HOOK1: variants seen among roughly 807,000 people sequenced by gnomAD.
HOOK1 encodes the protein protein Hook homolog 1.
In HOOK1, 60 loss-of-function variants were observed where a neutral mutation model predicts 112.8. The observed-to-expected ratio is 0.53, with a 90% CI of 0.43 to 0.66. The LOEUF (loss-of-function observed/expected upper bound fraction) is 0.66, where lower values mean the gene tolerates loss of function less well. Ranked by LOEUF, HOOK1 falls within the 30% of genes least tolerant of loss-of-function variation. The pLI is 0.00. For missense variants in HOOK1, 770 were observed against 856.0 expected (o/e 0.90, Z 1.25); for synonymous variants, 294 against 283.8 (o/e 1.04, Z -0.36).
At chr1:59,871,919 G>T (rs971205320) in intron 21 of HOOK1, among the ~76,000 whole-genome samples, 2 of 152,108 alleles carry the variant, frequency 1.3e-5, no homozygotes, top group African/African-American at 4.8e-5. Context: ...TGCTTAAAGG[G>T]CCCTGAAGGA....
At chr1:59,857,799 G>T in intron 12 of HOOK1, among the ~76,000 whole-genome samples, 1 of 152,266 alleles carries the variant, frequency 6.6e-6, no homozygotes, top group East Asian at 1.9e-4. Context: ...ATTGGTGTAG[G>T]CTGTAAAATA....
In HOOK1 at chr1:59,876,313, C is replaced by A. The variant is rs1305578736; in HGVS notation, c.*3348C>A. 2.6e-5 allele frequency: 4 copies of A among 152,490 alleles called. No individual in the cohort carries two copies. The highest frequency in any genetic ancestry group is 4.4e-5 in the Non-Finnish European group (3 of 68,012). The allele number at this position is 152,490 out of a possible 1,614,324, so 9.4% of individuals were successfully genotyped here. ...GATATTATTTTAAATAAATGATTGTCCATTATCAATATAATAGTTGTGAAA... is the reference window on the plus strand; with the variant it reads ...GATATTATTTTAAATAAATGATTGTACATTATCAATATAATAGTTGTGAAA... On this transcript the variant is annotated 3_prime_UTR_variant, in exon 22 of 22. Coordinates refer to ENST00000371208, the MANE Select transcript of HOOK1 (RefSeq NM_015888.6).
intron 2 of HOOK1, among the ~76,000 whole-genome samples, chr1:59,824,934 C>A (rs1365880623): frequency 1.3e-5 from 2 of 152,210 alleles, no homozygotes; most frequent in African/African-American, 4.8e-5. Flanking sequence ...AAAATCAATT[C>A]TCTCACACTT....
chr1:59,819,243 G>A (rs1475993831), intron 1 of HOOK1, among the ~76,000 whole-genome samples: 6 of 138,882 alleles, frequency 4.3e-5, no homozygotes, highest in Admixed American at 4.0e-4. Context: ...TCCACCTCCC[G>A]GGTTCAAGGG....
chr1:59,857,712 T>C (rs2098411450), intron 12 of HOOK1, among the ~76,000 whole-genome samples: 1 of 152,250 alleles, frequency 6.6e-6, no homozygotes, highest in Non-Finnish European at 1.5e-5. Context: ...CACATGATTT[T>C]ATATTCAGTA....
chr1:59,859,669 A>G (rs941039453), intron 14 of HOOK1, among the ~76,000 whole-genome samples: 3 of 151,950 alleles, frequency 2.0e-5, no homozygotes, highest in African/African-American at 7.2e-5. Context: ...AAAAAGTTGC[A>G]TTTTTTAAAA....
intron 21 of HOOK1, among the ~76,000 whole-genome samples, chr1:59,871,695 A>G (rs539099217): frequency 3.7e-4 from 57 of 152,268 alleles, no homozygotes; most frequent in African/African-American, 1.0e-3. Context: ...CATGATGTAT[A>G]TGGTTCTTTT....
intron 18 of HOOK1, 68 bp from the exon 19 acceptor site, chr1:59,865,804 G>A (rs1469950429): frequency 3.4e-6 from 2 of 580,118 alleles, no homozygotes; most frequent in African/African-American, 2.0e-5. Context: ...TTTTATGTGA[G>A]GATGAAGTAT....
rs1204101794 is a variant in HOOK1 at position 59,874,507 on chromosome 1, A to C, written c.*1542A>C. On this transcript the variant is annotated 3_prime_UTR_variant, in exon 22 of 22. Coordinates refer to ENST00000371208, the MANE Select transcript of HOOK1 (RefSeq NM_015888.6). ...GTGTGTTTAGACCAGGGGTCTGCAAACTTTCTGTGAATGGACAAAGAGTAA... is the reference window on the plus strand; with the variant it reads ...GTGTGTTTAGACCAGGGGTCTGCAACCTTTCTGTGAATGGACAAAGAGTAA... The C allele has an allele frequency of 6.6e-6, 1 of 152,174 alleles. No individual in the cohort carries two copies. The highest frequency in any genetic ancestry group is 1.5e-5 in the Non-Finnish European group (1 of 68,000). The allele number at this position is 152,174 out of a possible 1,614,324, so 9.4% of individuals were successfully genotyped here. A position where few individuals can be genotyped will look rare whatever the true frequency, so the allele number is the denominator to read the frequency against.
intron 19 of HOOK1, 138 bp downstream of exon 19, chr1:59,866,110 T>C (rs1643959060): frequency 1.7e-6 from 1 of 600,484 alleles, no homozygotes. Flanking sequence ...CTGTCAGGTT[T>C]CCGTAGTATT....
intron 3 of HOOK1, among the ~76,000 whole-genome samples, 199 bp from the exon 4 acceptor site, chr1:59,831,964 T>C (rs1247531366): frequency 6.6e-6 from 1 of 152,194 alleles, no homozygotes; most frequent in Non-Finnish European, 1.5e-5. Context: ...CCACTTTAAA[T>C]AGAATCACCC....
At chr1:59,866,657 G>A (rs1048691168) in intron 19 of HOOK1, among the ~76,000 whole-genome samples, 1 of 152,262 alleles carries the variant, frequency 6.6e-6, no homozygotes, top group South Asian at 2.1e-4. Flanking sequence ...TGTAATGGGC[G>A]AGGCCTGAAA....
At chr1:59,832,559 C>A (rs1236425072) in intron 4 of HOOK1, among the ~76,000 whole-genome samples, 1 of 151,840 alleles carries the variant, frequency 6.6e-6, no homozygotes, top group African/African-American at 2.4e-5. Context: ...TTCTTCCCAG[C>A]GTAAACAGTA....
At chr1:59,822,435 T>C (rs2102005104) in intron 2 of HOOK1, among the ~76,000 whole-genome samples, 1 of 152,342 alleles carries the variant, frequency 6.6e-6, no homozygotes, top group South Asian at 2.1e-4. Context: ...TCACCAATAA[T>C]GAAATGAGGA....
At chr1:59,839,943 A>G (rs149592339) in intron 7 of HOOK1, among the ~76,000 whole-genome samples, 220 of 152,290 alleles carry the variant, frequency 1.4e-3, no homozygotes, top group African/African-American at 5.0e-3. Context: ...ATCTATTGAG[A>G]TAATCATGTG....
chr1:59,831,098 G>A (rs1405317877), intron 3 of HOOK1, among the ~76,000 whole-genome samples: 2 of 151,732 alleles, frequency 1.3e-5, no homozygotes, highest in Admixed American at 1.3e-4. Context: ...GCGGGGTTTC[G>A]CCATGTTGGC....
At chr1:59,824,991 C>T (rs2102009317) in intron 2 of HOOK1, among the ~76,000 whole-genome samples, 1 of 152,274 alleles carries the variant, frequency 6.6e-6, no homozygotes, top group South Asian at 2.1e-4. Context: ...GGCTATGCTC[C>T]CTCCAAAGCT....
At chr1:59,839,922 G>T (rs2098400113) in intron 7 of HOOK1, among the ~76,000 whole-genome samples, 1 of 152,124 alleles carries the variant, frequency 6.6e-6, no homozygotes, top group Non-Finnish European at 1.5e-5. Context: ...TTTGTTGAAG[G>T]ACTTTGCTGC....
chr1:59,841,713 C>T (rs1028505427), intron 8 of HOOK1, among the ~76,000 whole-genome samples: 1 of 152,040 alleles, frequency 6.6e-6, no homozygotes, highest in Non-Finnish European at 1.5e-5. Flanking sequence ...CAGGTATTAC[C>T]ATTCTCTTGT....
Sources: allele counts gnomAD v4.1 joint callset (sites outside exome capture counted in the v4.1 genomes callset), GRCh38; gene constraint gnomAD v4.1.1; transcripts MANE v1.5; gene names NCBI Gene and HGNC (gene_info 2026-07-23, HGNC 2026-07-21).